APAF1: variants seen among roughly 807,000 people sequenced by gnomAD.
APAF1 encodes apoptotic protease-activating factor 1.
Under a neutral mutation model 152.4 loss-of-function variants are expected in APAF1, and 91 were observed. The observed-to-expected ratio is 0.60, with a 90% CI of 0.50 to 0.71. The LOEUF is 0.71. Ranked by LOEUF, APAF1 falls within the 30% of genes least tolerant of loss-of-function variation. APAF1 has a pLI of 0.00. For missense variants in APAF1, 1,283 were observed against 1,472.0 expected, an observed-to-expected ratio of 0.87 and a Z score of 2.10; for synonymous variants, 484 against 494.1, an observed-to-expected ratio of 0.98 and a Z score of 0.27.
rs750996873 is a variant in APAF1, at chr12:98,667,612, G to A, written c.1462G>A (p.Ala488Thr). ...EDCMYWYNFL[A>T]YHMASAKMHK... ...CTGTATGTATTGGTACAACTTTCTG[G>A]CCTATCACATGGCCAGTGCCAAGAT... The change falls in exon 10 of 27, where the codon GCC (alanine) becomes ACC (threonine). Residue 488 changes from alanine (A) to threonine (T), a missense_variant. Transcript: ENST00000551964. The A allele has an allele frequency of 6.2e-7, 1 of 1,613,844 alleles. No homozygotes were observed. Among genetic ancestry groups the A allele is most frequent in the South Asian group, 1.1e-5 (1 of 91,070 alleles).
chr12:98,700,027 T>A (rs1013006787), intron 17 of APAF1, among the ~76,000 whole-genome samples: 2 of 152,242 alleles, frequency 1.3e-5, no homozygotes, highest in Admixed American at 1.3e-4. Context: ...ACAGAAATGC[T>A]CATCAATGAC....
chr12:98,693,797 T>G (rs1263557791), intron 16 of APAF1, among the ~76,000 whole-genome samples: 3 of 151,880 alleles, frequency 2.0e-5, no homozygotes, highest in Admixed American at 6.6e-5. Context: ...TTTCAGTTTT[T>G]TTTTTTTTTT....
At chr12:98,725,149 C>A (rs2097748579) in intron 24 of APAF1, among the ~76,000 whole-genome samples, 1 of 152,186 alleles carries the variant, frequency 6.6e-6, no homozygotes, top group African/African-American at 2.4e-5. Context: ...ACAGACTGCT[C>A]TTAGCTGATT....
Position 98,680,281 on chromosome 12 carries a change from T to C in APAF1, c.1925T>C (p.Phe642Ser), listed in dbSNP as rs761736799. The stretch of plus-strand genomic sequence containing the variant: ...ATTTTATTGTTACTTGTGCAGGTGT[T>C]CAAAGCTGAAACAGGAGAGAAACTT... ...SCGADKTLQV[F>S]KAETGEKLLE... The change falls in exon 14 of 27, where the codon TTC (phenylalanine) becomes TCC (serine). Residue 642 changes from phenylalanine (F) to serine (S), a missense_variant. Physicochemically the swap from Phe to Ser is radical, Grantham distance 155. Transcript: ENST00000551964. 6.2e-7 allele frequency: 1 copy of C among 1,601,270 alleles called. No homozygotes were observed. The highest frequency in any genetic ancestry group is 8.5e-7 in the Non-Finnish European group (1 of 1,172,638).
At chr12:98,665,458 G>A in intron 7 of APAF1, 95 bp from the exon 8 acceptor site, 1 of 870,868 alleles carries the variant, frequency 1.1e-6, no homozygotes. Flanking sequence ...ACATGCAGCA[G>A]AAATTGTTTC....
intron 25 of APAF1, 149 bp downstream of exon 25, chr12:98,725,689 T>C: frequency 1.9e-6 from 2 of 1,045,534 alleles, no homozygotes; most frequent in South Asian, 2.5e-5. Flanking sequence ...GTGCACATTG[T>C]ATTCACAGCT....
rs1448115808 is a variant in APAF1 at position 98,667,647 on chromosome 12, A to G, written c.1494+3A>G. 1 of 1,613,244 alleles carries G rather than the reference A, an allele frequency of 6.2e-7. No individual in the cohort carries two copies. Among genetic ancestry groups the G allele is most frequent in the Non-Finnish European group, 8.5e-7 (1 of 1,179,968 alleles). Reference sequence around the variant, plus strand: ...TGGCCAGTGCCAAGATGCACAAGGTAAGATGACCCATTTAAAAATTCTTTT... The same window carrying G: ...TGGCCAGTGCCAAGATGCACAAGGTGAGATGACCCATTTAAAAATTCTTTT... On this transcript the variant is annotated splice_donor_region_variant and intron_variant, in intron 10 of 26. Transcript: ENST00000551964.
intron 13 of APAF1, among the ~76,000 whole-genome samples, chr12:98,679,837 G>A (rs1030111903): frequency 3.3e-5 from 5 of 152,270 alleles, no homozygotes; most frequent in Non-Finnish European, 7.3e-5. Flanking sequence ...ACGTCTGTGC[G>A]CAGTGGCTGG....
rs544103551 is a variant in APAF1 at position 98,690,846 on chromosome 12, T to A, written c.2304+3973T>A. Reference sequence around the variant, plus strand: ...AAAACCATCCACCAAGAGTCCCCTATCATAAGCCCCCTCAGAAATTGCTGT... The same window carrying A: ...AAAACCATCCACCAAGAGTCCCCTAACATAAGCCCCCTCAGAAATTGCTGT... On this transcript the variant is annotated intron_variant, in intron 16 of 26. Coordinates refer to ENST00000551964, the MANE Select transcript of APAF1 (RefSeq NM_181861.2). Among the ~76,000 whole-genome samples, 5 of 152,254 alleles carry A rather than the reference T, an allele frequency of 3.3e-5. No individual in the cohort carries two copies. The East Asian group carries it at 9.7e-4, about 29-fold the overall frequency.
chr12:98,709,979 G>A (rs1336254183), intron 20 of APAF1, among the ~76,000 whole-genome samples: 2 of 152,208 alleles, frequency 1.3e-5, no homozygotes, highest in African/African-American at 2.4e-5. Flanking sequence ...GGGTTCAAGA[G>A]ATTCTCATGC....
At chr12:98,712,268 C>A (rs1593100200) in intron 20 of APAF1, 51 bp from the exon 21 acceptor site, 1 of 1,048,058 alleles carries the variant, frequency 9.5e-7, no homozygotes, top group Non-Finnish European at 1.5e-6. Flanking sequence ...TTCTGACGAA[C>A]AAAAACTGCT....
chr12:98,710,288 C>T (rs777059545), intron 20 of APAF1, among the ~76,000 whole-genome samples: 1 of 148,168 alleles, frequency 6.7e-6, no homozygotes, highest in Non-Finnish European at 1.5e-5. Flanking sequence ...CTTGAGTTAA[C>T]TTTTTCCATA....
chr12:98,668,223 G>A (rs1419991299), intron 10 of APAF1, among the ~76,000 whole-genome samples: 1 of 152,104 alleles, frequency 6.6e-6, no homozygotes. Flanking sequence ...ATTATAGCTT[G>A]CATAATTATT....
chr12:98,710,312 T>G (rs1020815735), intron 20 of APAF1, among the ~76,000 whole-genome samples: 1 of 151,622 alleles, frequency 6.6e-6, no homozygotes. Flanking sequence ...GTTTTAGAAG[T>G]GCTTTATTAA....
chr12:98,675,257 A>G (rs1387288005), intron 12 of APAF1, among the ~76,000 whole-genome samples: 7 of 152,178 alleles, frequency 4.6e-5, no homozygotes, highest in Admixed American at 4.6e-4. Context: ...TCACTCATTC[A>G]TTTGTTATTT....
intron 1 of APAF1, among the ~76,000 whole-genome samples, chr12:98,647,785 T>C (rs1187658895): frequency 6.6e-6 from 1 of 151,816 alleles, no homozygotes; most frequent in African/African-American, 2.4e-5. Flanking sequence ...GTCATAATTT[T>C]GAATGGCTGC....
intron 26 of APAF1, among the ~76,000 whole-genome samples, chr12:98,731,174 A>C (rs1006247964): frequency 6.6e-6 from 1 of 152,150 alleles, no homozygotes; most frequent in African/African-American, 2.4e-5. Context: ...TCTTATCTGT[A>C]AATTGATGTA....
In APAF1 at chr12:98,662,438, AT is replaced by A. The variant is rs751568034; in HGVS notation, c.711-8del. 3.2e-3 allele frequency: 4,589 copies of A among 1,424,030 alleles called. No individual in the cohort carries two copies. Among genetic ancestry groups the A allele is most frequent in the Non-Finnish European group, 4.0e-3 (4,050 of 1,023,324 alleles). 88.2% of individuals were successfully genotyped at this position (1,424,030 alleles called of 1,614,324 possible). A position where few individuals can be genotyped will look rare whatever the true frequency, so the allele number is the denominator to read the frequency against. On this transcript the variant is annotated splice_polypyrimidine_tract_variant and intron_variant, in intron 5 of 26. Coordinates refer to ENST00000551964, the MANE Select transcript of APAF1 (RefSeq NM_181861.2). ...AAGATAAGTGTCATTAGTGATTAATATTTTTTTTTTAAATTAGGTCTCTCTT... is the reference window on the plus strand; with the variant it reads ...AAGATAAGTGTCATTAGTGATTAATATTTTTTTTTAAATTAGGTCTCTCTT...
intron 10 of APAF1, among the ~76,000 whole-genome samples, chr12:98,669,866 T>TCCTCC (rs1175773295): frequency 2.6e-5 from 4 of 151,016 alleles, no homozygotes; most frequent in Non-Finnish European, 4.4e-5. Context: ...TCCTCTCCTC[T>TCCTCC]CCTCCCTCCC....
Sources: gnomAD v4.1 joint callset for allele counts (sites outside exome capture counted in the v4.1 genomes callset) on GRCh38, gnomAD v4.1.1 for gene constraint, MANE v1.5 for transcripts, NCBI Gene and HGNC (gene_info 2026-07-23, HGNC 2026-07-21) for gene names.